The following OPCML variants were observed in gnomAD, a reference collection of about 807,000 sequenced individuals.
OPCML encodes opioid binding protein/cell adhesion molecule like.
Under a neutral mutation model 37.8 loss-of-function variants are expected in OPCML, and 13 were observed. That is an observed-to-expected ratio of 0.34 (90% CI 0.22 to 0.55). The LOEUF (loss-of-function observed/expected upper bound fraction) is 0.55, where lower values mean the gene tolerates loss of function less well. Ranked by LOEUF, OPCML falls within the 20% of genes least tolerant of loss-of-function variation. The probability of loss-of-function intolerance (pLI) is 0.91; values close to 1 mark genes in which losing one functional copy is unlikely to be tolerated. For missense variants in OPCML, 341 were observed against 435.6 expected (o/e 0.78, Z 1.93); for synonymous variants, 176 against 168.8 (o/e 1.04, Z -0.33).
intron 1 of OPCML, among the ~76,000 whole-genome samples, chr11:133,267,737 T>A (rs181659422): frequency 6.6e-6 from 1 of 152,116 alleles, no homozygotes. Flanking sequence ...AATTGAATCA[T>A]GTGGATGGGT....
At chr11:133,088,714 A>G (rs1323963979) in intron 1 of OPCML, among the ~76,000 whole-genome samples, 3 of 152,252 alleles carry the variant, frequency 2.0e-5, no homozygotes, top group Non-Finnish European at 4.4e-5. Flanking sequence ...CAATAGAATT[A>G]TACAAGATAT....
intron 3 of OPCML, among the ~76,000 whole-genome samples, chr11:132,636,703 T>C (rs1940523313): frequency 6.6e-6 from 1 of 152,244 alleles, no homozygotes; most frequent in Non-Finnish European, 1.5e-5. Context: ...TCAGGACCTA[T>C]GGTGATAAAG....
At chr11:132,543,165 G>T (rs1430427960) in intron 3 of OPCML, among the ~76,000 whole-genome samples, 7 of 152,108 alleles carry the variant, frequency 4.6e-5, no homozygotes, top group African/African-American at 1.7e-4. Context: ...TCTTCAGAAG[G>T]TTCTAGCTGT....
chr11:132,694,179 CTTTTTTTTTTTTTTTTTTTTTTTT>C (rs1162305568), intron 2 of OPCML, among the ~76,000 whole-genome samples: 5 of 42,978 alleles, frequency 1.2e-4, no homozygotes, highest in South Asian at 2.3e-3. Context: ...AAATCAATGT[CTTTTTTTTTTTTTTTTTTTTTTTT>C]TTTTTTTTTT....
chr11:132,707,311 C>A (rs1591492943), intron 2 of OPCML, among the ~76,000 whole-genome samples: 1 of 152,298 alleles, frequency 6.6e-6, no homozygotes, highest in African/African-American at 2.4e-5. Flanking sequence ...TATGCTCCAG[C>A]CTTTCATCAG....
chr11:132,638,325 C>T (rs1015419619), intron 3 of OPCML, among the ~76,000 whole-genome samples: 1 of 151,690 alleles, frequency 6.6e-6, no homozygotes, highest in African/African-American at 2.4e-5. Context: ...TAATAGAAAT[C>T]ACTATAGCTG....
chr11:133,442,694 G>GA (rs1343147610), intron 1 of OPCML, among the ~76,000 whole-genome samples: 4 of 150,530 alleles, frequency 2.7e-5, no homozygotes, highest in Non-Finnish European at 5.9e-5. Flanking sequence ...ACTGTTCCCT[G>GA]AAAAACGATT....
intron 2 of OPCML, among the ~76,000 whole-genome samples, chr11:132,802,068 C>G (rs1171409448): frequency 6.6e-6 from 1 of 152,144 alleles, no homozygotes; most frequent in East Asian, 1.9e-4. Flanking sequence ...GAAGTTCAAG[C>G]CAAAATCATT....
At chr11:133,521,635 C>T (rs999020989) in intron 1 of OPCML, among the ~76,000 whole-genome samples, 5 of 152,228 alleles carry the variant, frequency 3.3e-5, no homozygotes, top group African/African-American at 1.2e-4. Context: ...GCATCCATCC[C>T]AGTGCCAAGT....
At chr11:132,427,700 T>C (rs1246092216) in intron 7 of OPCML, among the ~76,000 whole-genome samples, 1 of 152,202 alleles carries the variant, frequency 6.6e-6, no homozygotes, top group Non-Finnish European at 1.5e-5. Flanking sequence ...GACTTGAGTC[T>C]TTGTTGAACC....
At chr11:132,519,188 ACCTGGGACTTTAGAAAGAGAAC>A (rs2096286762) in intron 4 of OPCML, among the ~76,000 whole-genome samples, 1 of 152,202 alleles carries the variant, frequency 6.6e-6, no homozygotes, top group Admixed American at 6.5e-5. Flanking sequence ...GTGTTAATTC[ACCTGGGACTTTAGAAAGAGAAC>A]CCTAGGTAAT....
chr11:132,886,118 C>T (rs919340310), intron 2 of OPCML, among the ~76,000 whole-genome samples: 2 of 152,140 alleles, frequency 1.3e-5, no homozygotes, highest in African/African-American at 4.8e-5. Context: ...TATGGATTAG[C>T]GTAATTTACA....
At chr11:133,416,204 T>C (rs1592278762) in intron 1 of OPCML, among the ~76,000 whole-genome samples, 2 of 152,174 alleles carry the variant, frequency 1.3e-5, no homozygotes, top group East Asian at 3.9e-4. Context: ...AAAAAACTGA[T>C]CTTCCCACTT....
At chr11:133,394,973 T>A (rs1161782303) in intron 1 of OPCML, among the ~76,000 whole-genome samples, 1 of 152,252 alleles carries the variant, frequency 6.6e-6, no homozygotes, top group Non-Finnish European at 1.5e-5. Context: ...GTGGTTGTAC[T>A]AATTTACATT....
intron 1 of OPCML, among the ~76,000 whole-genome samples, chr11:133,524,461 G>T (rs1352989438): frequency 2.0e-5 from 3 of 151,928 alleles, no homozygotes; most frequent in African/African-American, 7.2e-5. Context: ...CCTTTTGATT[G>T]GTACAGTTTT....
chr11:132,483,536 T>A (rs1225292152), intron 4 of OPCML, among the ~76,000 whole-genome samples: 1 of 152,126 alleles, frequency 6.6e-6, no homozygotes, highest in East Asian at 1.9e-4. Flanking sequence ...AAGCTACCAA[T>A]GCCTTTCTTC....
At chr11:133,278,980 C>T (rs1314753854) in intron 1 of OPCML, among the ~76,000 whole-genome samples, 1 of 152,200 alleles carries the variant, frequency 6.6e-6, no homozygotes. Flanking sequence ...ATGTTCAACT[C>T]CAAAGCCTGT....
At chr11:132,652,349 AACACACACACACAC>A (rs5795793) in intron 3 of OPCML, among the ~76,000 whole-genome samples, 13 of 142,636 alleles carry the variant, frequency 9.1e-5, no homozygotes, top group Non-Finnish European at 1.5e-4. Context: ...AAGAATGACA[AACACACACACACAC>A]ACACACACAC....
At chr11:132,441,280 G>T (rs921405344) in intron 4 of OPCML, among the ~76,000 whole-genome samples, 1 of 142,168 alleles carries the variant, frequency 7.0e-6, no homozygotes, top group Admixed American at 7.2e-5. Flanking sequence ...CCATTCTCCT[G>T]CCTCAGCCTC....
Sources: allele counts gnomAD v4.1 joint callset (sites outside exome capture counted in the v4.1 genomes callset), GRCh38; gene constraint gnomAD v4.1.1; transcripts MANE v1.5; gene names NCBI Gene and HGNC (gene_info 2026-07-23, HGNC 2026-07-21).